Variants in SLC22A4 observed in about 807,000 individuals in gnomAD.
SLC22A4 encodes solute carrier family 22 member 4, also known as ET transporter.
A neutral mutation model predicts 56.6 loss-of-function variants in SLC22A4; 39 were observed. That is an observed-to-expected ratio of 0.69 (90% CI 0.53 to 0.90). SLC22A4 has a LOEUF of 0.90. Ranked by LOEUF, SLC22A4 falls within the 40% of genes least tolerant of loss-of-function variation. SLC22A4 has a pLI of 0.00. For synonymous variants in SLC22A4, 241 were observed against 281.4 expected (o/e 0.86, Z 1.44); for missense variants, 594 against 696.5 (o/e 0.85, Z 1.66).
At chr5:132,338,566 T>TGC (rs1751097901) in intron 8 of SLC22A4, among the ~76,000 whole-genome samples, 2 of 152,194 alleles carry the variant, frequency 1.3e-5, no homozygotes. Flanking sequence ...TCCCTACAGC[T>TGC]ACAACCGTAA....
intron 4 of SLC22A4, among the ~76,000 whole-genome samples, chr5:132,325,563 G>A (rs924590697): frequency 2.0e-5 from 3 of 152,178 alleles, no homozygotes; most frequent in Non-Finnish European, 2.9e-5. Context: ...GGACCTGCTG[G>A]TTGGTCATTT....
At chr5:132,325,452 C>T (rs1290833464) in intron 4 of SLC22A4, among the ~76,000 whole-genome samples, 1 of 152,120 alleles carries the variant, frequency 6.6e-6, no homozygotes, top group African/African-American at 2.4e-5. Flanking sequence ...GAGTCAGTGA[C>T]CTAACATTAT....
At chr5:132,333,839 T>C (rs190925748) in intron 6 of SLC22A4, among the ~76,000 whole-genome samples, 1 of 152,238 alleles carries the variant, frequency 6.6e-6, no homozygotes, top group East Asian at 1.9e-4. Context: ...AGAGTTTCGC[T>C]CTGTCACCCA....
intron 1 of SLC22A4, among the ~76,000 whole-genome samples, chr5:132,302,166 C>G (rs1195867980): frequency 1.3e-5 from 2 of 152,136 alleles, no homozygotes; most frequent in African/African-American, 4.8e-5. Flanking sequence ...CAACAGCCAC[C>G]AGGATCTCAG....
intron 3 of SLC22A4, among the ~76,000 whole-genome samples, chr5:132,315,972 G>T (rs1239429057): frequency 6.6e-6 from 1 of 152,174 alleles, no homozygotes; most frequent in Non-Finnish European, 1.5e-5. Context: ...CAGTACAAAG[G>T]CAAGGTGGCT....
intron 8 of SLC22A4, among the ~76,000 whole-genome samples, chr5:132,340,187 T>C (rs534906604): frequency 1.4e-5 from 2 of 146,366 alleles, no homozygotes; most frequent in African/African-American, 5.0e-5. Context: ...AACCTATCCC[T>C]GAAACATCCT....
At chr5:132,309,891 C>G (rs1182813467) in intron 1 of SLC22A4, among the ~76,000 whole-genome samples, 1 of 152,270 alleles carries the variant, frequency 6.6e-6, no homozygotes, top group Non-Finnish European at 1.5e-5. Context: ...AAAGTCCAGA[C>G]AGAAAAATAT....
rs28626351 is a variant in SLC22A4 at position 132,301,268 on chromosome 5, C to T, written c.393+6259C>T. On this transcript the variant is annotated intron_variant, in intron 1 of 9. Coordinates refer to ENST00000200652, the MANE Select transcript of SLC22A4 (RefSeq NM_003059.3). Reference sequence around the variant, plus strand: ...TGGGCTGGGAAAACTGAGGCAGTCACCTCTAAGCTGGATACCACTTCTGCC... The same window carrying T: ...TGGGCTGGGAAAACTGAGGCAGTCATCTCTAAGCTGGATACCACTTCTGCC... Among the ~76,000 whole-genome samples the T allele has an allele frequency of 4.6e-3, 697 of 152,366 alleles. 7 individuals carry two copies. Among genetic ancestry groups the T allele is most frequent in the African/African-American group, 0.016 (677 of 41,580 alleles).
At chr5:132,331,884 C>T (rs1750868859) in intron 6 of SLC22A4, 34 bp downstream of exon 6, 2 of 1,329,154 alleles carry the variant, frequency 1.5e-6, no homozygotes, top group African/African-American at 1.4e-5. Context: ...TGCAGATATC[C>T]AGCACATAAG....
At position 132,313,661 on chromosome 5, in the gene SLC22A4, G is replaced by A. The variant is rs369071242; in HGVS notation, c.545G>A (p.Gly182Asp). 4 of 1,614,080 alleles carry A rather than the reference G, an allele frequency of 2.5e-6. No homozygotes were observed. In the African/African-American group the frequency reaches 5.3e-5, roughly 22 times the overall value. Residue 182 changes from glycine (G) to aspartate (D), a missense_variant, in exon 3 of 10, where the codon GGC becomes GAC. Physicochemically the swap from Gly to Asp is moderately conservative, Grantham distance 94. Coordinates refer to ENST00000200652, the MANE Select transcript of SLC22A4 (RefSeq NM_003059.3). The part of the protein sequence containing the change: ...VLFATMAVQT[G>D]FSFLQIFSIS... Reference sequence around the variant, plus strand: ...TTCGCAACCATGGCTGTACAGACTGGCTTCAGCTTCCTGCAGATTTTCTCC... The same window carrying A: ...TTCGCAACCATGGCTGTACAGACTGACTTCAGCTTCCTGCAGATTTTCTCC...
chr5:132,317,815 T>G (rs1750405382), intron 3 of SLC22A4, among the ~76,000 whole-genome samples: 1 of 152,270 alleles, frequency 6.6e-6, no homozygotes, highest in Non-Finnish European at 1.5e-5. Context: ...TACCATTATT[T>G]TATTGTATTT....
rs749511874 is a variant in SLC22A4, at chr5:132,294,942, A to G, written c.326A>G (p.Glu109Gly). ...PGRDVDLGQL[E>G]QESCLDGWEF... ...CGCGACGTGGACCTGGGGCAGCTGG[A>G]GCAGGAGAGCTGCCTGGATGGCTGG... Residue 109 changes from glutamate to glycine, a missense_variant, in exon 1 of 10, where the codon GAG becomes GGG. Physicochemically the swap from Glu to Gly is moderately conservative, Grantham distance 98. Transcript: ENST00000200652. This position sits in a 1 kb window ranked among gnomAD's most constrained non-coding sequence, Gnocchi z 5.6. 4 of 1,603,576 alleles carry G rather than the reference A, an allele frequency of 2.5e-6. No homozygotes were observed. Among genetic ancestry groups the G allele is most frequent in the South Asian group, 1.1e-5 (1 of 89,834 alleles).
chr5:132,307,962 A>G (rs1400076909), intron 1 of SLC22A4, among the ~76,000 whole-genome samples: 2 of 152,248 alleles, frequency 1.3e-5, no homozygotes, highest in Non-Finnish European at 2.9e-5. Context: ...CCTCAGCCCA[A>G]GAACCACATT....
chr5:132,328,828 TATATATATATAC>T (rs1259915981), intron 5 of SLC22A4, among the ~76,000 whole-genome samples: 76 of 18,450 alleles, frequency 4.1e-3, no homozygotes, highest in African/African-American at 0.011. Context: ...TGCCTTTATA[TATATATATATAC>T]ACACACACAC....
chr5:132,307,950 C>T (rs528159265), intron 1 of SLC22A4, among the ~76,000 whole-genome samples: 7 of 152,360 alleles, frequency 4.6e-5, no homozygotes, highest in Middle Eastern at 3.4e-3. Context: ...ATGCGTGATA[C>T]TCCTCAGCCC....
At chr5:132,317,685 T>C (rs1750402821) in intron 3 of SLC22A4, among the ~76,000 whole-genome samples, 2 of 152,222 alleles carry the variant, frequency 1.3e-5, no homozygotes, top group African/African-American at 4.8e-5. Context: ...GGTCCTATGG[T>C]GATTCTATAT....
chr5:132,298,813 T>C (rs1749837764), intron 1 of SLC22A4, among the ~76,000 whole-genome samples: 1 of 152,214 alleles, frequency 6.6e-6, no homozygotes, highest in South Asian at 2.1e-4. Context: ...GCACCTTCTT[T>C]GCCTTCTCCA....
At position 132,303,633 on chromosome 5, in the gene SLC22A4, G is replaced by A. The variant is rs544876748; in HGVS notation, c.394-8528G>A. Reference sequence around the variant, plus strand: ...GGTAAAATCCTCGTGAGTGCAACCAGGGGATCATAGGTTCCCATCCTCCAC... The same window carrying A: ...GGTAAAATCCTCGTGAGTGCAACCAAGGGATCATAGGTTCCCATCCTCCAC... On this transcript the variant is annotated intron_variant, in intron 1 of 9. Coordinates refer to ENST00000200652, the MANE Select transcript of SLC22A4 (RefSeq NM_003059.3). Among the ~76,000 whole-genome samples, 8 of 152,118 alleles carry A rather than the reference G, an allele frequency of 5.3e-5. No homozygotes were observed. The South Asian group carries it at 1.7e-3, about 32-fold the overall frequency.
At chr5:132,337,460 A>G (rs1751061265) in intron 8 of SLC22A4, among the ~76,000 whole-genome samples, 1 of 150,748 alleles carries the variant, frequency 6.6e-6, no homozygotes, top group Non-Finnish European at 1.5e-5. Context: ...TTTTTCTGGT[A>G]GAGACGGGAT....
Sources: gnomAD v4.1 joint callset for allele counts (sites outside exome capture counted in the v4.1 genomes callset) on GRCh38, gnomAD v4.1.1 for gene constraint, Gnocchi (gnomAD v3.1) non-coding constraint, MANE v1.5 for transcripts, NCBI Gene and HGNC (gene_info 2026-07-23, HGNC 2026-07-21) for gene names.